EGFLAM: variants seen among roughly 807,000 people sequenced by gnomAD.
EGFLAM encodes pikachurin.
A neutral mutation model predicts 113.1 loss-of-function variants in EGFLAM; 79 were observed. That is an observed-to-expected ratio of 0.70 (90% CI 0.58 to 0.84). The LOEUF is 0.84. Ranked by LOEUF, EGFLAM falls within the 40% of genes least tolerant of loss-of-function variation. The probability of loss-of-function intolerance (pLI) is 0.00; values close to 1 mark genes in which losing one functional copy is unlikely to be tolerated. For synonymous variants in EGFLAM, 504 were observed against 487.6 expected, an observed-to-expected ratio of 1.03 and a Z score of -0.44; for missense variants, 1,265 against 1,291.6, an observed-to-expected ratio of 0.98 and a Z score of 0.32.
intron 1 of EGFLAM, 48 bp downstream of exon 1, chr5:38,258,899 T>G (rs1299131785): frequency 1.3e-6 from 2 of 1,573,388 alleles, no homozygotes; most frequent in South Asian, 1.1e-5. Context: ...GCGCCCCTGC[T>G]GGGCTCCGGG....
At chr5:38,424,387 C>T (rs1741931124) in intron 12 of EGFLAM, among the ~76,000 whole-genome samples, 1 of 152,158 alleles carries the variant, frequency 6.6e-6, no homozygotes, top group Non-Finnish European at 1.5e-5. Context: ...GATTCTGAAA[C>T]CCATGTGCCA....
chr5:38,401,583 G>A (rs1032444682), intron 6 of EGFLAM, among the ~76,000 whole-genome samples: 2 of 152,148 alleles, frequency 1.3e-5, no homozygotes, highest in Admixed American at 1.3e-4. Flanking sequence ...CTTTGGATTG[G>A]GAGGCAGAGT....
intron 1 of EGFLAM, among the ~76,000 whole-genome samples, chr5:38,298,916 G>C (rs1335204500): frequency 6.6e-6 from 1 of 152,106 alleles, no homozygotes; most frequent in Non-Finnish European, 1.5e-5. Context: ...GCCCAGGCTG[G>C]TCTCGAACTC....
At chr5:38,334,700 T>C (rs996270719) in intron 1 of EGFLAM, among the ~76,000 whole-genome samples, 2 of 152,178 alleles carry the variant, frequency 1.3e-5, no homozygotes, top group Admixed American at 1.3e-4. Flanking sequence ...ATTTTTTCAT[T>C]CTCTGAGCAA....
chr5:38,301,621 T>G (rs1243441570), intron 1 of EGFLAM, among the ~76,000 whole-genome samples: 2 of 152,084 alleles, frequency 1.3e-5, no homozygotes, highest in Non-Finnish European at 2.9e-5. Flanking sequence ...GATGTATAGT[T>G]CAGGTTCTTT....
At chr5:38,281,894 T>C (rs546603611) in intron 1 of EGFLAM, among the ~76,000 whole-genome samples, 1 of 152,320 alleles carries the variant, frequency 6.6e-6, no homozygotes, top group South Asian at 2.1e-4. Context: ...ATAATTTAAC[T>C]GGAAAAATAA....
At chr5:38,459,791 A>ACCCCTGGCTGCTGGGCCCCCAAC (rs33938479) in intron 20 of EGFLAM, among the ~76,000 whole-genome samples, 1,502 of 146,124 alleles carry the variant, frequency 0.01, 33 homozygotes, top group Non-Finnish European at 0.015. Context: ...TGGGCCCCCA[A>ACCCCTGGCTGCTGGGCCCCCAAC]CCCTGGCTGT....
At chr5:38,457,050 A>C (rs977341542) in intron 19 of EGFLAM, among the ~76,000 whole-genome samples, 1 of 152,200 alleles carries the variant, frequency 6.6e-6, no homozygotes, top group Admixed American at 6.5e-5. Context: ...TGAAACCCTT[A>C]TGGTATCGGG....
Position 38,412,557 on chromosome 5 carries a change from T to A in EGFLAM, c.1403T>A (p.Leu468Gln), listed in dbSNP as rs1357683557. ...ATCGTAAGTGAGACCAAAATCAAACTAGGGGGTTGGCACACGGTTATGCTC... is the reference window on the plus strand; with the variant it reads ...ATCGTAAGTGAGACCAAAATCAAACAAGGGGGTTGGCACACGGTTATGCTC... ...AIIVSETKIK[L>Q]GGWHTVMLYR... Residue 468 changes from leucine (L) to glutamine (Q), a missense_variant, in exon 11 of 22, where the codon CTA (leucine) becomes CAA (glutamine). Physicochemically the swap from Leu to Gln is moderately radical, Grantham distance 113. Transcript: ENST00000322350. The A allele has an allele frequency of 6.2e-7, 1 of 1,613,964 alleles. No individual in the cohort carries two copies. The highest frequency in any genetic ancestry group is 1.1e-5 in the South Asian group (1 of 91,080).
chr5:38,427,418 C>G, intron 14 of EGFLAM, 166 bp downstream of exon 14: 2 of 1,179,228 alleles, frequency 1.7e-6, no homozygotes, highest in Non-Finnish European at 2.3e-6. Context: ...AGATGACAGG[C>G]TTCCTATAGA....
intron 1 of EGFLAM, among the ~76,000 whole-genome samples, chr5:38,303,393 T>G (rs563146395): frequency 6.6e-5 from 10 of 152,132 alleles, no homozygotes; most frequent in Non-Finnish European, 1.5e-4. Flanking sequence ...ATAAAGATGC[T>G]TGGGGATGGA....
At chr5:38,341,903 T>C (rs1241382756) in intron 3 of EGFLAM, among the ~76,000 whole-genome samples, 1 of 152,112 alleles carries the variant, frequency 6.6e-6, no homozygotes, top group Non-Finnish European at 1.5e-5. Context: ...AGATTTATTT[T>C]ACTCATGCAA....
chr5:38,431,738 G>T (rs2561803), intron 15 of EGFLAM, among the ~76,000 whole-genome samples: 18,572 of 152,076 alleles, frequency 0.12, 2,808 homozygotes, highest in African/African-American at 0.36. Flanking sequence ...AGCTCATACT[G>T]GTTACTTGAC....
At chr5:38,273,890 C>T (rs13155898) in intron 1 of EGFLAM, among the ~76,000 whole-genome samples, 12,724 of 152,042 alleles carry the variant, frequency 0.084, 616 homozygotes, top group South Asian at 0.13. Context: ...AGAGATGGAG[C>T]GCTATGAACT....
At chr5:38,426,255 A>T (rs1742005930) in intron 13 of EGFLAM, among the ~76,000 whole-genome samples, 1 of 150,764 alleles carries the variant, frequency 6.6e-6, no homozygotes, top group Non-Finnish European at 1.5e-5. Flanking sequence ...ATGCACACAC[A>T]TGTGTATATA....
intron 1 of EGFLAM, among the ~76,000 whole-genome samples, chr5:38,298,138 G>A (rs143452979): frequency 2.0e-5 from 3 of 152,164 alleles, no homozygotes; most frequent in Admixed American, 6.5e-5. Flanking sequence ...CTCAGAGCAG[G>A]GGGGAGATGG....
chr5:38,349,773 G>GCGCACACA (rs1554049180), intron 3 of EGFLAM, among the ~76,000 whole-genome samples: 5,355 of 131,018 alleles, frequency 0.041, 109 homozygotes, highest in Admixed American at 0.048. Context: ...AAGTACACAC[G>GCGCACACA]CACACACACA....
chr5:38,331,899 GT>G (rs1208495601), intron 1 of EGFLAM, among the ~76,000 whole-genome samples: 1 of 152,192 alleles, frequency 6.6e-6, no homozygotes, highest in Non-Finnish European at 1.5e-5. Context: ...TCCATGTGCA[GT>G]TTTTTGTGTG....
chr5:38,419,086 C>T (rs563402127), intron 12 of EGFLAM, among the ~76,000 whole-genome samples: 65 of 152,280 alleles, frequency 4.3e-4, no homozygotes, highest in African/African-American at 1.5e-3. Flanking sequence ...GCTGTGTGCT[C>T]GTGGGATCTT....
Sources: gnomAD v4.1 joint callset for allele counts (sites outside exome capture counted in the v4.1 genomes callset) on GRCh38, gnomAD v4.1.1 for gene constraint, MANE v1.5 for transcripts, NCBI Gene and HGNC (gene_info 2026-07-23, HGNC 2026-07-21) for gene names.